The following SKI variants were observed in gnomAD, a reference collection of about 807,000 sequenced individuals.
The protein encoded by SKI is ski oncogene.
A neutral mutation model predicts 59.3 loss-of-function variants in SKI; 23 were observed. The ratio of observed to expected loss-of-function variants is 0.39; its 90% CI spans 0.28 to 0.55. The LOEUF (loss-of-function observed/expected upper bound fraction) is 0.55, where lower values mean the gene tolerates loss of function less well. SKI is among the 20% of genes least tolerant of loss of function. The pLI is 0.67. For synonymous variants in SKI, 673 were observed against 488.6 expected, an observed-to-expected ratio of 1.38 and a Z score of -4.98; for missense variants, 1,017 against 1,038.9, an observed-to-expected ratio of 0.98 and a Z score of 0.29.
In SKI at chr1:2,309,882, C is replaced by A. The variant is rs1462527609; in HGVS notation, c.*3117C>A. 1 of 118,246 alleles carries A rather than the reference C, an allele frequency of 8.5e-6. No homozygotes were observed. Among genetic ancestry groups the A allele is most frequent in the Admixed American group, 8.6e-5 (1 of 11,660 alleles). The allele number at this position is 118,246 out of a possible 1,614,324, so 7.3% of individuals were successfully genotyped here. ...CCGGCCCCCCCACCCCTCCCTCAGC[C>A]CACCAGGGTCCAGGGAGATGTTCGT... On this transcript the variant is annotated 3_prime_UTR_variant, in exon 7 of 7. Coordinates refer to ENST00000378536, the MANE Select transcript of SKI (RefSeq NM_003036.4).
At chr1:2,297,881 C>T (rs978080510) in intron 1 of SKI, among the ~76,000 whole-genome samples, 4 of 152,234 alleles carry the variant, frequency 2.6e-5, no homozygotes, top group Non-Finnish European at 5.9e-5. Context: ...GGTCCCCTTG[C>T]CCCGTGGCTG....
chr1:2,301,883 G>A (rs896938366), intron 1 of SKI, among the ~76,000 whole-genome samples: 3 of 152,274 alleles, frequency 2.0e-5, no homozygotes, highest in African/African-American at 4.8e-5. Flanking sequence ...ATTGGCCTGT[G>A]GTGTAGACCT....
chr1:2,259,656 C>T (rs542528509), intron 1 of SKI, among the ~76,000 whole-genome samples: 109 of 152,286 alleles, frequency 7.2e-4, no homozygotes, highest in African/African-American at 2.5e-3. Context: ...CCCTCGCTGC[C>T]GTCCAGATGA....
At chr1:2,290,798 T>C (rs977485034) in intron 1 of SKI, among the ~76,000 whole-genome samples, 5 of 152,184 alleles carry the variant, frequency 3.3e-5, no homozygotes, top group African/African-American at 1.2e-4. Context: ...CAGGACGCAT[T>C]GTCACCCCCT....
Position 2,229,872 on chromosome 1 carries a change from A to T in SKI, c.969+137A>T. On this transcript the variant is annotated intron_variant, in intron 1 of 6. Transcript: ENST00000378536. This position sits in a 1 kb window ranked among gnomAD's most constrained non-coding sequence, Gnocchi z 6.3. ...ATGTCTCCAGTCTTCGCTTTGTTTT[A>T]GGGAAATTCAGAGTGTTCCGACTGG... is the stretch of plus-strand genomic sequence containing the variant. 2.7e-6 allele frequency: 4 copies of T among 1,465,472 alleles called. No individual in the cohort carries two copies. The highest frequency in any genetic ancestry group is 3.7e-6 in the Non-Finnish European group (4 of 1,089,610). 90.8% of individuals were successfully genotyped at this position (1,465,472 alleles called of 1,614,324 possible). A position where few individuals can be genotyped will look rare whatever the true frequency, so the allele number is the denominator to read the frequency against.
chr1:2,240,482 G>A (rs1553191701), intron 1 of SKI: 2 of 985,342 alleles, frequency 2.0e-6, no homozygotes, highest in African/African-American at 1.7e-5. Context: ...GCCCCCATGA[G>A]GAGGTCCCGT....
At chr1:2,271,523 C>T (rs749359563) in intron 1 of SKI, among the ~76,000 whole-genome samples, 49 of 152,304 alleles carry the variant, frequency 3.2e-4, no homozygotes, top group African/African-American at 1.2e-3. Context: ...GCAGGTTCCG[C>T]GGAGTGCCCG....
At chr1:2,234,666 G>A (rs909196976) in intron 1 of SKI, among the ~76,000 whole-genome samples, 9 of 152,232 alleles carry the variant, frequency 5.9e-5, no homozygotes, top group Non-Finnish European at 8.8e-5. Context: ...AGGTGTCCAC[G>A]CCGGCGGCCC....
intron 1 of SKI, among the ~76,000 whole-genome samples, chr1:2,273,298 C>T (rs146182002): frequency 1.2e-3 from 180 of 152,270 alleles, no homozygotes; most frequent in African/African-American, 3.8e-3. Context: ...CTGTCCTGGC[C>T]GGCCACTCCT....
chr1:2,275,045 G>A (rs992966768), intron 1 of SKI, among the ~76,000 whole-genome samples: 5 of 152,152 alleles, frequency 3.3e-5, no homozygotes, highest in East Asian at 1.9e-4. Context: ...AAGCTGAAGC[G>A]GCCTCACAGG....
At chr1:2,299,325 A>T (rs1439553228) in intron 1 of SKI, among the ~76,000 whole-genome samples, 1 of 151,540 alleles carries the variant, frequency 6.6e-6, no homozygotes, top group Non-Finnish European at 1.5e-5. Flanking sequence ...TGGAAGTGAG[A>T]GGCGCTGAGG....
At chr1:2,252,096 C>T (rs541646078) in intron 1 of SKI, among the ~76,000 whole-genome samples, 10 of 152,288 alleles carry the variant, frequency 6.6e-5, no homozygotes, top group South Asian at 4.1e-4. Context: ...GTGCACCCCC[C>T]GGTGAGAGAT....
chr1:2,231,034 C>T (rs7536233), intron 1 of SKI, among the ~76,000 whole-genome samples: 23,489 of 152,096 alleles, frequency 0.15, 2,425 homozygotes, highest in African/African-American at 0.29. Flanking sequence ...AGGTGGCAGC[C>T]GCCTGCAGAC....
chr1:2,258,963 A>T (rs984422919), intron 1 of SKI, among the ~76,000 whole-genome samples: 1 of 152,114 alleles, frequency 6.6e-6, no homozygotes, highest in Admixed American at 6.5e-5. Context: ...TCAGCTCATC[A>T]CTTGGCCGGT....
intron 1 of SKI, among the ~76,000 whole-genome samples, chr1:2,294,323 CA>C (rs2100900895): frequency 6.6e-6 from 1 of 152,364 alleles, no homozygotes; most frequent in East Asian, 1.9e-4. Flanking sequence ...TGCTAAATGG[CA>C]TGAAAATCAC....
At chr1:2,306,487 G>GC in intron 6 of SKI, 90 bp from the exon 7 acceptor site, 1 of 1,342,472 alleles carries the variant, frequency 7.4e-7, no homozygotes, top group African/African-American at 1.5e-5. Context: ...GAGGGACAGG[G>GC]AGCGGCGCAG....
At chr1:2,243,274 G>A (rs1268921504) in intron 1 of SKI, among the ~76,000 whole-genome samples, 1 of 152,260 alleles carries the variant, frequency 6.6e-6, no homozygotes, top group Admixed American at 6.5e-5. Context: ...TCGTGACCAT[G>A]TGCTGGCTGC....
Position 2,306,680 on chromosome 1 carries a change from T to G in SKI, c.2102T>G (p.Val701Gly). 6.5e-7 allele frequency: 1 copy of G among 1,544,320 alleles called. No homozygotes were observed. Among genetic ancestry groups the G allele is most frequent in the South Asian group, 1.2e-5 (1 of 83,748 alleles). ...EREAREHLEK[V>G]VKELQEQLWP... ...GAGGCCCGGGAGCACCTGGAGAAGG[T>G]GGTGAAGGAGCTGCAGGAACAGCTG... Residue 701 changes from valine (V) to glycine (G), a missense_variant, in exon 7 of 7, where the codon GTG (valine) becomes GGG (glycine). Physicochemically the swap from Val to Gly is moderately radical, Grantham distance 109. Transcript: ENST00000378536.
chr1:2,304,354 C>T lies in SKI; in HGVS notation c.1536C>T (p.Asp512=), dbSNP rs1278675248. The T allele has an allele frequency of 2.6e-6, 4 of 1,551,656 alleles. No homozygotes were observed. The highest frequency in any genetic ancestry group is 2.0e-5 in the Admixed American group (1 of 51,056). ...PSFTSSSSAK[D]LGSPGARALP... ...TTACCTCATCCAGCTCCGCCAAGGA[C>T]CTGGGCTCCCCGGGTGCGCGTGCCC... is the stretch of plus-strand genomic sequence containing the variant. Residue 512 remains aspartate, a synonymous_variant, in exon 5 of 7, where the codon GAC becomes GAT. Transcript: ENST00000378536.
Sources: allele counts gnomAD v4.1 joint callset (sites outside exome capture counted in the v4.1 genomes callset), GRCh38; gene constraint gnomAD v4.1.1; non-coding constraint Gnocchi (gnomAD v3.1); transcripts MANE v1.5; gene names NCBI Gene and HGNC (gene_info 2026-07-23, HGNC 2026-07-21).